Variants in TLN1 observed in about 807,000 individuals in gnomAD.
TLN1 encodes the protein talin-1.
Under a neutral mutation model 292.3 loss-of-function variants are expected in TLN1, and 56 were observed. That is an observed-to-expected ratio of 0.19 (90% CI 0.15 to 0.24). The LOEUF (loss-of-function observed/expected upper bound fraction) is 0.24, where lower values mean the gene tolerates loss of function less well. Among genes scored for constraint, TLN1 ranks in the 10% least tolerant of loss-of-function variants. TLN1 has a pLI of 1.00. For missense variants in TLN1, 2,433 were observed against 3,248.2 expected (o/e 0.75, Z 6.10); for synonymous variants, 1,119 against 1,253.7 (o/e 0.89, Z 2.27).
chr9:35,699,010 A>G lies in TLN1; in HGVS notation c.6999+22T>C, dbSNP rs761371337. ...GGGACACTGCCATGGTGAGGGTGGA[A>G]GAGGAAGGGAGCAGGACTGACCTTG... On this transcript the variant is annotated intron_variant, in intron 52 of 56. Transcript: ENST00000314888. This position sits in a 1 kb window ranked among gnomAD's most constrained non-coding sequence, Gnocchi z 4.0. 1.6e-5 allele frequency: 25 copies of G among 1,608,524 alleles called. No homozygotes were observed. The Middle Eastern group carries it at 4.9e-4, about 32-fold the overall frequency.
At position 35,698,380 on chromosome 9, in the gene TLN1, G is replaced by A. The variant is rs368409468; in HGVS notation, c.7314C>T (p.Leu2438=). The A allele has an allele frequency of 2.5e-5, 41 of 1,614,208 alleles. No individual in the cohort carries two copies. The African/African-American group carries it at 4.7e-4, about 18-fold the overall frequency. The stretch of plus-strand genomic sequence containing the variant: ...CAGCCTTGACCTTGCAGGCCACAAG[G>A]AGCTGGGCTGTGGAGGCAGCTACCT... ...AKQVAASTAQ[L]LVACKVKADQ... is the part of the protein sequence containing the mutation. The change falls in exon 55 of 57, where the codon CTC becomes CTT. Residue 2438 remains leucine (L), a synonymous_variant. Coordinates refer to ENST00000314888, the MANE Select transcript of TLN1 (RefSeq NM_006289.4). This position sits in a 1 kb window ranked among gnomAD's most constrained non-coding sequence, Gnocchi z 5.3.
intron 20 of TLN1, among the ~76,000 whole-genome samples, 200 bp downstream of exon 20, chr9:35,716,190 T>TAAAAAA (rs11443679): frequency 2.7e-5 from 3 of 112,420 alleles, no homozygotes; most frequent in African/African-American, 1.0e-4. Flanking sequence ...ACCACATCTT[T>TAAAAAA]AAAAAAAAAA....
rs745995391 is a variant in TLN1, at chr9:35,714,909, T to C, written c.2755-33A>G. ...GACAAGAGTAGTCAGACCAAGCCCA[T>C]GGATTCCCATGCCCAGCCCAGTCCC... is the stretch of plus-strand genomic sequence containing the variant. On this transcript the variant is annotated intron_variant, in intron 21 of 56. Transcript: ENST00000314888. The surrounding 1 kb of genome is among the most constrained non-coding windows in gnomAD (Gnocchi z 4.6). The C allele has an allele frequency of 7.5e-6, 12 of 1,597,038 alleles. No individual in the cohort carries two copies. The highest frequency in any genetic ancestry group is 1.7e-4 in the Middle Eastern group (1 of 5,994).
rs753595858 is a variant in TLN1 at position 35,715,069 on chromosome 9, T to C, written c.2744A>G (p.Gln915Arg). The stretch of plus-strand genomic sequence containing the variant: ...AACTCCCAGCCTCACCTCCAGGCGC[T>C]GCACCAGCTTTTTCTTGATGGCATT... ...AQNAIKKKLV[Q>R]RLEHAAKQAA... Residue 915 changes from glutamine to arginine, a missense_variant, in exon 21 of 57, where the codon CAG (glutamine) becomes CGG (arginine). By Grantham distance (43) the Gln-to-Arg change is conservative. Around this residue, in one of 7 missense-constraint regions of TLN1, gnomAD observed 617 missense variants for 770.6 expected, o/e 0.80. Coordinates refer to ENST00000314888, the MANE Select transcript of TLN1 (RefSeq NM_006289.4). 4 of 1,613,070 alleles carry C rather than the reference T, an allele frequency of 2.5e-6. No homozygotes were observed. Among genetic ancestry groups the C allele is most frequent in the Non-Finnish European group, 3.4e-6 (4 of 1,180,032 alleles).
At position 35,725,292 on chromosome 9, in the gene TLN1, C is replaced by G. The variant is rs1303513893; in HGVS notation, c.160G>C (p.Asp54His). 1.2e-6 allele frequency: 2 copies of G among 1,614,130 alleles called. No homozygotes were observed. Among genetic ancestry groups the G allele is most frequent in the Admixed American group, 3.3e-5 (2 of 60,018 alleles). ...PSDFGLFLSD[D>H]DPKKGIWLEA... ...AGCCATATACCCTTTTTGGGGTCATCATCTGACAGAAAGAGCCCAAAGTCG... is the reference window on the plus strand; with the variant it reads ...AGCCATATACCCTTTTTGGGGTCATGATCTGACAGAAAGAGCCCAAAGTCG... The change falls in exon 3 of 57, where the codon GAT (aspartate) becomes CAT (histidine). Residue 54 changes from aspartate to histidine, a missense_variant. Physicochemically the swap from Asp to His is moderately conservative, Grantham distance 81. Coordinates refer to ENST00000314888, the MANE Select transcript of TLN1 (RefSeq NM_006289.4).
chr9:35,725,861 G>A, intron 1 of TLN1, 134 bp from the exon 2 acceptor site: 1 of 701,528 alleles, frequency 1.4e-6, no homozygotes, highest in Non-Finnish European at 2.2e-6. Flanking sequence ...TGTTTTCATT[G>A]TATTTAATAA....
At position 35,712,843 on chromosome 9, in the gene TLN1, G is replaced by C; in HGVS notation, c.3553C>G (p.Leu1185Val). The change falls in exon 27 of 57, where the codon CTT becomes GTT. Residue 1185 changes from leucine to valine, a missense_variant. Transcript: ENST00000314888. The part of the protein sequence containing the change: ...HPGDPESQQR[L>V]AQVAKAVTQA... ...CTTTCCCAGTATCTGACCTGGGCAA[G>C]CCGCTGCTGGCTCTCAGGGTCCCCT... 1 of 1,578,600 alleles carries C rather than the reference G, an allele frequency of 6.3e-7. No individual in the cohort carries two copies.
intron 1 of TLN1, among the ~76,000 whole-genome samples, chr9:35,730,512 T>C (rs1269891809): frequency 6.6e-6 from 1 of 151,104 alleles, no homozygotes; most frequent in Non-Finnish European, 1.5e-5. Context: ...GGGATGGGAG[T>C]AGGGTATTCA....
chr9:35,730,085 GATT>G (rs1361421174), intron 1 of TLN1, among the ~76,000 whole-genome samples: 6 of 150,518 alleles, frequency 4.0e-5, no homozygotes, highest in Non-Finnish European at 8.9e-5. Flanking sequence ...GAAGGGGAAT[GATT>G]ACATGGATGG....
At position 35,719,350 on chromosome 9, in the gene TLN1, C is replaced by A; in HGVS notation, c.1688-68G>T. ...GCCAGACGAAGGGCTGGGGAGGGAG[C>A]AAAGTCACACCCAGTTAGTCACACA... is the stretch of plus-strand genomic sequence containing the variant. On this transcript the variant is annotated intron_variant, in intron 15 of 56. Coordinates refer to ENST00000314888, the MANE Select transcript of TLN1 (RefSeq NM_006289.4). This position sits in a 1 kb window ranked among gnomAD's most constrained non-coding sequence, Gnocchi z 4.6. 1.3e-6 allele frequency: 2 copies of A among 1,483,534 alleles called. No homozygotes were observed. Among genetic ancestry groups the A allele is most frequent in the Non-Finnish European group, 1.9e-6 (2 of 1,071,196 alleles). The allele number at this position is 1,483,534 out of a possible 1,614,324, so 91.9% of individuals were successfully genotyped here. A position where few individuals can be genotyped will look rare whatever the true frequency, so the allele number is the denominator to read the frequency against.
chr9:35,712,587 G>A (rs1287341659), intron 27 of TLN1, among the ~76,000 whole-genome samples: 2 of 149,800 alleles, frequency 1.3e-5, no homozygotes, highest in East Asian at 1.9e-4. Flanking sequence ...GGCGGAGACT[G>A]CACTGAGCCG....
In TLN1 at chr9:35,709,611, G is replaced by A. The variant is rs148848197; in HGVS notation, c.4326+950C>T. 1.1e-3 allele frequency among the ~76,000 whole-genome samples: 168 copies of A among 151,820 alleles called. 2 individuals are homozygous for A. The highest frequency in any genetic ancestry group is 3.8e-3 in the African/African-American group (158 of 41,374). ...TATTTTAAGAAAGTAGTGATTGGCC[G>A]GGCGCGGTGGCTCACGCCTGTAATC... On this transcript the variant is annotated intron_variant, in intron 33 of 56. Coordinates refer to ENST00000314888, the MANE Select transcript of TLN1 (RefSeq NM_006289.4).
At position 35,699,460 on chromosome 9, in the gene TLN1, G is replaced by A; in HGVS notation, c.6770C>T (p.Thr2257Ile). 1 of 1,612,116 alleles carries A rather than the reference G, an allele frequency of 6.2e-7. No individual in the cohort carries two copies. The highest frequency in any genetic ancestry group is 8.5e-7 in the Non-Finnish European group (1 of 1,178,956). Residue 2257 changes from threonine to isoleucine, a missense_variant and splice_region_variant, in exon 51 of 57, where the codon ACC becomes ATC. Thr to Ile is a moderately conservative substitution (Grantham distance 89). Transcript: ENST00000314888. The surrounding 1 kb of genome is among the most constrained non-coding windows in gnomAD (Gnocchi z 4.0). ...YLELLDHVLL[T>I]LQKPSPELKQ... Reference sequence around the variant, plus strand: ...CAGTTCTGGGCTTGGCTTCTGCAGGGTCTGGGCAAGAAGCGGGCAGGGGAC... The same window carrying A: ...CAGTTCTGGGCTTGGCTTCTGCAGGATCTGGGCAAGAAGCGGGCAGGGGAC...
intron 25 of TLN1, 99 bp downstream of exon 25, chr9:35,713,854 A>G (rs1223522958): frequency 7.5e-7 from 1 of 1,325,146 alleles, no homozygotes; most frequent in African/African-American, 1.5e-5. Flanking sequence ...AAGAGAAAAA[A>G]GAAAAAGGAA....
chr9:35,706,436 G>A lies in TLN1; in HGVS notation c.5190+14C>T. Reference sequence around the variant, plus strand: ...CCCTACTCCCTGGGACTTCCCATGAGTCTCCATAGGTACCTTGTGTCCCAG... The same window carrying A: ...CCCTACTCCCTGGGACTTCCCATGAATCTCCATAGGTACCTTGTGTCCCAG... On this transcript the variant is annotated intron_variant, in intron 39 of 56. Transcript: ENST00000314888. The surrounding 1 kb of genome is among the most constrained non-coding windows in gnomAD (Gnocchi z 4.2). The A allele has an allele frequency of 6.2e-7, 1 of 1,614,086 alleles. No homozygotes were observed. The highest frequency in any genetic ancestry group is 8.5e-7 in the Non-Finnish European group (1 of 1,179,988).
Position 35,724,365 on chromosome 9 carries a change from A to G in TLN1, c.512-31T>C. 6.2e-7 allele frequency: 1 copy of G among 1,613,036 alleles called. No individual in the cohort carries two copies. Among genetic ancestry groups the G allele is most frequent in the Non-Finnish European group, 8.5e-7 (1 of 1,179,390 alleles). ...ATACAGACAGTCCCCTCAGTGCCAA[A>G]CCCCCATGGCCCCTGTGCTGTCTGG... On this transcript the variant is annotated intron_variant, in intron 5 of 56. Coordinates refer to ENST00000314888, the MANE Select transcript of TLN1 (RefSeq NM_006289.4). This position sits in a 1 kb window ranked among gnomAD's most constrained non-coding sequence, Gnocchi z 4.7.
Position 35,714,330 on chromosome 9 carries a change from G to A in TLN1, c.3029C>T (p.Thr1010Met), listed in dbSNP as rs149680408. Residue 1010 changes from threonine (T) to methionine (M), a missense_variant, in exon 24 of 57, where the codon ACG (threonine) becomes ATG (methionine). Physicochemically the swap from Thr to Met is moderately conservative, Grantham distance 81 (BLOSUM62 -1). Transcript: ENST00000314888. This position sits in a 1 kb window ranked among gnomAD's most constrained non-coding sequence, Gnocchi z 4.6. ...MVAAAKASVP[T>M]IQDQASAMQL... ...CATGGCTGAAGCCTGGTCCTGAATC[G>A]TTGGCACTGAGGCCTTTGCAGCTGC... 36 of 1,613,614 alleles carry A rather than the reference G, an allele frequency of 2.2e-5. No homozygotes were observed. The highest frequency in any genetic ancestry group is 2.9e-5 in the Non-Finnish European group (34 of 1,179,790).
intron 25 of TLN1, among the ~76,000 whole-genome samples, chr9:35,713,508 A>AC (rs1235708869): frequency 1.3e-5 from 2 of 151,938 alleles, no homozygotes; most frequent in Non-Finnish European, 2.9e-5. Context: ...ACATGGCGAA[A>AC]CCCCATCTCT....
chr9:35,700,343 A>C lies in TLN1; in HGVS notation c.6508T>G (p.Ser2170Ala). 1 of 1,604,206 alleles carries C rather than the reference A, an allele frequency of 6.2e-7. No homozygotes were observed. The highest frequency in any genetic ancestry group is 8.5e-7 in the Non-Finnish European group (1 of 1,171,860). ...FCSPEPPAKTSTPEDFIRMTK... is the reference protein window; with the variant it reads ...FCSPEPPAKTATPEDFIRMTK... ...ATTCGGATGAAGTCTTCTGGGGTAG[A>C]GGTCTTGGCAGGTGGCTCTGGGGAA... Residue 2170 changes from serine (S) to alanine (A), a missense_variant, in exon 49 of 57, where the codon TCT (serine) becomes GCT (alanine). This residue lies in a region of TLN1 where 1,384 missense variants were observed against 1,699.6 expected (regional missense o/e 0.81). Coordinates refer to ENST00000314888, the MANE Select transcript of TLN1 (RefSeq NM_006289.4).
Sources: allele counts gnomAD v4.1 joint callset (sites outside exome capture counted in the v4.1 genomes callset), GRCh38; gene constraint gnomAD v4.1.1; regional missense constraint gnomAD v4.1.1; non-coding constraint Gnocchi (gnomAD v3.1); transcripts MANE v1.5; gene names NCBI Gene and HGNC (gene_info 2026-07-23, HGNC 2026-07-21).